Variants in TRPM3 observed in about 807,000 individuals in gnomAD.
TRPM3 encodes the protein transient receptor potential cation channel subfamily M member 3, also known as long transient receptor potential channel 3.
A neutral mutation model predicts 181.2 loss-of-function variants in TRPM3; 77 were observed. That is an observed-to-expected ratio of 0.42 (90% CI 0.35 to 0.51). The LOEUF (loss-of-function observed/expected upper bound fraction) is 0.51. Ranked by LOEUF, TRPM3 falls within the 20% of genes least tolerant of loss-of-function variation. TRPM3 has a pLI of 0.01. For missense variants in TRPM3, 1,759 were observed against 2,196.7 expected, an observed-to-expected ratio of 0.80 and a Z score of 3.98; for synonymous variants, 745 against 796.4, an observed-to-expected ratio of 0.94 and a Z score of 1.09.
intron 1 of TRPM3, among the ~76,000 whole-genome samples, chr9:70,994,680 A>G (rs1003528112): frequency 5.9e-5 from 9 of 151,970 alleles, no homozygotes; most frequent in Non-Finnish European, 1.2e-4. Context: ...GGGGAACCTC[A>G]CCAGCTTACT....
intron 1 of TRPM3, among the ~76,000 whole-genome samples, chr9:71,231,296 G>A (rs1289719162): frequency 2.0e-5 from 3 of 152,158 alleles, no homozygotes; most frequent in Non-Finnish European, 4.4e-5. Flanking sequence ...AGAAGTAAGA[G>A]AATCTGAGTC....
chr9:70,631,011 C>T (rs994176237), intron 12 of TRPM3, among the ~76,000 whole-genome samples: 15 of 152,172 alleles, frequency 9.9e-5, no homozygotes, highest in Non-Finnish European at 2.2e-4. Flanking sequence ...TCCTTTGAAA[C>T]TCATAACAAG....
At chr9:70,887,243 A>T (rs1353699852) in intron 1 of TRPM3, among the ~76,000 whole-genome samples, 2 of 152,166 alleles carry the variant, frequency 1.3e-5, no homozygotes, top group Non-Finnish European at 2.9e-5. Context: ...TTAAGCTCAA[A>T]TTGTGTCCTG....
intron 20 of TRPM3, among the ~76,000 whole-genome samples, chr9:70,599,461 C>T (rs2059522611): frequency 6.6e-6 from 1 of 152,222 alleles, no homozygotes; most frequent in Non-Finnish European, 1.5e-5. Flanking sequence ...CTTAAGCTTT[C>T]TGATGACTTC....
intron 1 of TRPM3, among the ~76,000 whole-genome samples, chr9:71,364,562 A>C (rs1431178): frequency 0.48 from 72,357 of 152,086 alleles, 17,495 homozygotes; most frequent in African/African-American, 0.55. Context: ...GACTATAAAG[A>C]ATCATAAATC....
At chr9:70,607,117 C>T (rs906210336) in intron 19 of TRPM3, among the ~76,000 whole-genome samples, 1 of 152,162 alleles carries the variant, frequency 6.6e-6, no homozygotes, top group Non-Finnish European at 1.5e-5. Flanking sequence ...TGGACCCCTG[C>T]CTCCTTTCTT....
At chr9:71,446,555 A>C in intron 1 of TRPM3, 1 of 1,266,390 alleles carries the variant, frequency 7.9e-7, no homozygotes, top group Non-Finnish European at 1.1e-6. Flanking sequence ...CCTGGCTCTC[A>C]CCCTTAGGGA....
At chr9:71,194,651 C>T (rs1194534344) in intron 1 of TRPM3, among the ~76,000 whole-genome samples, 2 of 151,876 alleles carry the variant, frequency 1.3e-5, no homozygotes, top group Non-Finnish European at 2.9e-5. Flanking sequence ...ATTCCTACTG[C>T]GTGAAATCAC....
intron 8 of TRPM3, among the ~76,000 whole-genome samples, chr9:70,695,508 A>G (rs898574667): frequency 6.6e-6 from 1 of 152,204 alleles, no homozygotes. Flanking sequence ...CTTGTCCCTG[A>G]AGCTCTGTCT....
chr9:71,137,435 A>G (rs189434257), intron 1 of TRPM3, among the ~76,000 whole-genome samples: 8 of 150,608 alleles, frequency 5.3e-5, no homozygotes, highest in African/African-American at 1.9e-4. Flanking sequence ...TCATCTAAGC[A>G]TAACACAGTA....
intron 1 of TRPM3, among the ~76,000 whole-genome samples, chr9:70,889,082 C>T (rs1207351806): frequency 6.6e-6 from 1 of 152,122 alleles, no homozygotes; most frequent in South Asian, 2.1e-4. Context: ...GAAGGGGTGG[C>T]ACAGCCAGCA....
intron 1 of TRPM3, among the ~76,000 whole-genome samples, chr9:71,307,532 T>C (rs1330178820): frequency 1.3e-5 from 2 of 152,176 alleles, no homozygotes; most frequent in African/African-American, 2.4e-5. Flanking sequence ...TAACCATTCA[T>C]TTGAAATAAT....
At chr9:70,878,416 A>T (rs943439026) in intron 1 of TRPM3, among the ~76,000 whole-genome samples, 5 of 152,078 alleles carry the variant, frequency 3.3e-5, no homozygotes, top group Non-Finnish European at 7.4e-5. Flanking sequence ...TAATTCACTC[A>T]TGCACTCAAA....
intron 1 of TRPM3, among the ~76,000 whole-genome samples, chr9:71,297,314 G>A (rs545112780): frequency 3.9e-5 from 6 of 152,152 alleles, no homozygotes; most frequent in Non-Finnish European, 8.8e-5. Flanking sequence ...TTCCTGATCT[G>A]AGCCCTAAGA....
chr9:70,956,933 T>A (rs77712988), intron 1 of TRPM3, among the ~76,000 whole-genome samples: 29,387 of 148,946 alleles, frequency 0.2, 2,943 homozygotes, highest in East Asian at 0.29. Flanking sequence ...TTAAAAAAAA[T>A]TTTAATTTTA....
intron 21 of TRPM3, among the ~76,000 whole-genome samples, chr9:70,596,177 T>C (rs569532662): frequency 1.2e-3 from 187 of 152,310 alleles, no homozygotes; most frequent in African/African-American, 4.4e-3. Context: ...CTATAAGATA[T>C]GCATTTATTA....
intron 1 of TRPM3, among the ~76,000 whole-genome samples, chr9:71,377,265 T>C (rs2092688949): frequency 1.3e-5 from 2 of 152,202 alleles, no homozygotes; most frequent in Non-Finnish European, 2.9e-5. Context: ...CTAGAATATA[T>C]GGACTTTAAA....
chr9:70,864,219 T>G (rs1255156026), intron 2 of TRPM3, among the ~76,000 whole-genome samples: 1 of 152,084 alleles, frequency 6.6e-6, no homozygotes, highest in African/African-American at 2.4e-5. Flanking sequence ...ATGGTATATA[T>G]GTTTTTCTTT....
chr9:71,407,517 G>A (rs1181442043), intron 1 of TRPM3, among the ~76,000 whole-genome samples: 1 of 151,934 alleles, frequency 6.6e-6, no homozygotes, highest in East Asian at 1.9e-4. Flanking sequence ...CAGCAGTGAG[G>A]CTGGGGGATG....
Sources: gnomAD v4.1 joint callset for allele counts (sites outside exome capture counted in the v4.1 genomes callset) on GRCh38, gnomAD v4.1.1 for gene constraint, MANE v1.5 for transcripts, NCBI Gene and HGNC (gene_info 2026-07-23, HGNC 2026-07-21) for gene names.